ABI3BP: variants seen among roughly 807,000 people sequenced by gnomAD.
ABI3BP encodes ABI family member 3 binding protein, also known as target of Nesh-SH3.
In ABI3BP, 216 loss-of-function variants were observed where a neutral mutation model predicts 268.6. That is an observed-to-expected ratio of 0.80 (90% CI 0.72 to 0.90). The LOEUF (loss-of-function observed/expected upper bound fraction) is 0.90, where lower values mean the gene tolerates loss of function less well. Ranked by LOEUF, ABI3BP falls within the 40% of genes least tolerant of loss-of-function variation. ABI3BP has a pLI of 0.00. For synonymous variants in ABI3BP, 730 were observed against 730.0 expected, an observed-to-expected ratio of 1.00 and a Z score of 0.00; for missense variants, 2,090 against 2,182.4, an observed-to-expected ratio of 0.96 and a Z score of 0.84.
intron 63 of ABI3BP, among the ~76,000 whole-genome samples, chr3:100,756,261 G>A (rs1462373113): frequency 1.1e-4 from 16 of 152,190 alleles, no homozygotes; most frequent in East Asian, 7.7e-4. Context: ...GCGGTGGCTC[G>A]TGCCTGTAAT....
intron 1 of ABI3BP, among the ~76,000 whole-genome samples, chr3:100,977,898 C>A (rs946649240): frequency 6.6e-6 from 1 of 152,028 alleles, no homozygotes; most frequent in African/African-American, 2.4e-5. Context: ...TTTCATGGAC[C>A]ATCTCGAGGC....
intron 1 of ABI3BP, among the ~76,000 whole-genome samples, chr3:100,946,453 C>T (rs1326715129): frequency 6.6e-6 from 1 of 150,536 alleles, no homozygotes; most frequent in African/African-American, 2.4e-5. Context: ...ACAAGAAATA[C>T]ACTTTTTGCA....
chr3:100,877,318 G>C (rs1289202134), intron 6 of ABI3BP, among the ~76,000 whole-genome samples: 1 of 152,166 alleles, frequency 6.6e-6, no homozygotes, highest in Non-Finnish European at 1.5e-5. Context: ...TGTTACTACA[G>C]ATACCACAAC....
At chr3:100,906,746 G>A (rs552065291) in intron 2 of ABI3BP, among the ~76,000 whole-genome samples, 2 of 152,292 alleles carry the variant, frequency 1.3e-5, no homozygotes, top group South Asian at 4.1e-4. Flanking sequence ...ACTGCTTAAG[G>A]AAATCTACTG....
chr3:100,930,961 A>T (rs535523012), intron 1 of ABI3BP: 1 of 152,224 alleles, frequency 6.6e-6, no homozygotes, highest in South Asian at 2.1e-4. Context: ...CTAGCAAATC[A>T]ATCCAGTTGC....
chr3:100,792,741 G>A lies in ABI3BP; in HGVS notation c.3974C>T (p.Pro1325Leu), dbSNP rs114144845. Reference sequence around the variant, plus strand: ...TGTTCGTGGAATCTTAGTTGTGAAAGGTTCTTGGGTGGATTGGTCTGTTTC... The same window carrying A: ...TGTTCGTGGAATCTTAGTTGTGAAAAGTTCTTGGGTGGATTGGTCTGTTTC... ...LEETDQSTQEPFTTKIPRTTE... is the reference protein window; with the variant it reads ...LEETDQSTQELFTTKIPRTTE... The change falls in exon 55 of 68, where the codon CCT becomes CTT. Residue 1325 changes from proline (P) to leucine (L), a missense_variant. Coordinates refer to ENST00000471714, the MANE Select transcript of ABI3BP (RefSeq NM_001375547.2). The A allele has an allele frequency of 1.2e-3, 1,925 of 1,611,564 alleles. 23 individuals carry two copies. In the African/African-American group the frequency reaches 0.022, roughly 19 times the overall value.
chr3:100,816,542 A>C, intron 43 of ABI3BP, 146 bp downstream of exon 43: 5 of 749,142 alleles, frequency 6.7e-6, no homozygotes, highest in South Asian at 4.4e-5. Context: ...TACGAGAAGC[A>C]GTTGCTACCC....
At chr3:100,979,274 C>T (rs2087942976) in intron 1 of ABI3BP, among the ~76,000 whole-genome samples, 1 of 152,152 alleles carries the variant, frequency 6.6e-6, no homozygotes, top group Non-Finnish European at 1.5e-5. Context: ...AAAGTCAAGT[C>T]ATAAAATTTC....
chr3:100,813,367 G>A (rs2097912411), intron 45 of ABI3BP, among the ~76,000 whole-genome samples: 1 of 151,994 alleles, frequency 6.6e-6, no homozygotes, highest in African/African-American at 2.4e-5. Flanking sequence ...AAAAAATAAG[G>A]ATAAATAATA....
At chr3:100,850,881 T>TGAGCTCACTTTAAAAA in intron 15 of ABI3BP, 147 bp from the exon 16 acceptor site, 1 of 610,306 alleles carries the variant, frequency 1.6e-6, no homozygotes. Context: ...AAACTAGTGA[T>TGAGCTCACTTTAAAAA]ACATCAGGAG....
chr3:100,834,355 C>T (rs1218943281), intron 29 of ABI3BP, among the ~76,000 whole-genome samples: 2 of 152,078 alleles, frequency 1.3e-5, no homozygotes, highest in East Asian at 3.9e-4. Context: ...CTCACAGATA[C>T]AAACGTTCAA....
intron 1 of ABI3BP, among the ~76,000 whole-genome samples, chr3:100,927,941 TTG>T (rs1302050709): frequency 6.6e-6 from 1 of 151,594 alleles, no homozygotes; most frequent in African/African-American, 2.4e-5. Flanking sequence ...TGTAGTTTTT[TTG>T]TGTCTTTTTT....
At chr3:100,898,638 G>T (rs2048772400) in intron 4 of ABI3BP, 124 bp downstream of exon 4, 3 of 1,111,922 alleles carry the variant, frequency 2.7e-6, no homozygotes, top group South Asian at 1.9e-5. Flanking sequence ...CCCTGACTTT[G>T]TTCCCCTCAC....
At chr3:100,810,544 G>T (rs2097838325) in intron 48 of ABI3BP, 67 bp from the exon 49 acceptor site, 2 of 1,104,328 alleles carry the variant, frequency 1.8e-6, no homozygotes, top group South Asian at 1.5e-5. Context: ...ACAGATAACA[G>T]ACAGGATGGT....
At chr3:100,950,659 A>C (rs924333424) in intron 1 of ABI3BP, among the ~76,000 whole-genome samples, 2 of 152,048 alleles carry the variant, frequency 1.3e-5, no homozygotes. Flanking sequence ...GACTATCAAC[A>C]TCTCTTGCTG....
At chr3:100,970,871 C>A (rs1478930285) in intron 1 of ABI3BP, among the ~76,000 whole-genome samples, 3 of 152,222 alleles carry the variant, frequency 2.0e-5, no homozygotes, top group African/African-American at 7.2e-5. Flanking sequence ...TACTTCATCT[C>A]AGTATCCAAA....
intron 6 of ABI3BP, among the ~76,000 whole-genome samples, chr3:100,880,868 A>G (rs994324732): frequency 6.6e-6 from 1 of 152,160 alleles, no homozygotes; most frequent in Non-Finnish European, 1.5e-5. Flanking sequence ...TTTTTGTGGC[A>G]TCAGAATATT....
intron 1 of ABI3BP, among the ~76,000 whole-genome samples, chr3:100,932,098 C>T (rs771533189): frequency 1.3e-5 from 2 of 151,814 alleles, no homozygotes; most frequent in Non-Finnish European, 2.9e-5. Context: ...AAAAAACAAG[C>T]AATAGGGAAA....
chr3:100,926,694 A>T (rs1406287467), intron 1 of ABI3BP, among the ~76,000 whole-genome samples: 1 of 152,142 alleles, frequency 6.6e-6, no homozygotes, highest in Non-Finnish European at 1.5e-5. Flanking sequence ...ACTGTTCAAT[A>T]CTTAGTAGTT....
Sources: allele counts gnomAD v4.1 joint callset (sites outside exome capture counted in the v4.1 genomes callset), GRCh38; gene constraint gnomAD v4.1.1; transcripts MANE v1.5; gene names NCBI Gene and HGNC (gene_info 2026-07-23, HGNC 2026-07-21).